NEK4: variants seen among roughly 807,000 people sequenced by gnomAD.
NEK4 encodes the protein NIMA related kinase 4, also known as serine/threonine-protein kinase Nek4.
In NEK4, 86 loss-of-function variants were observed where a neutral mutation model predicts 98.4. The ratio of observed to expected loss-of-function variants is 0.87; its 90% CI spans 0.73 to 1.05. The LOEUF (loss-of-function observed/expected upper bound fraction) is 1.05. NEK4 is among the 50% of genes least tolerant of loss of function. The probability of loss-of-function intolerance (pLI) is 0.00; values close to 1 mark genes in which losing one functional copy is unlikely to be tolerated. For missense variants in NEK4, 898 were observed against 950.3 expected, an observed-to-expected ratio of 0.94 and a Z score of 0.72; for synonymous variants, 328 against 342.2, an observed-to-expected ratio of 0.96 and a Z score of 0.46.
At chr3:52,748,213 C>T (rs1034554691) in intron 8 of NEK4, among the ~76,000 whole-genome samples, 3 of 151,704 alleles carry the variant, frequency 2.0e-5, no homozygotes, top group Non-Finnish European at 4.4e-5. Flanking sequence ...ATGATCCGCC[C>T]GCCTCGGCCT....
intron 5 of NEK4, among the ~76,000 whole-genome samples, chr3:52,761,416 C>G (rs1180476352): frequency 6.6e-6 from 1 of 152,020 alleles, no homozygotes; most frequent in Admixed American, 6.6e-5. Context: ...GTAGCTGGGA[C>G]TACAGGTGCA....
intron 8 of NEK4, among the ~76,000 whole-genome samples, chr3:52,748,792 A>G (rs538706732): frequency 9.2e-5 from 14 of 152,336 alleles, no homozygotes; most frequent in African/African-American, 2.6e-4. Flanking sequence ...CATATTAATT[A>G]GATGCTCAGC....
At chr3:52,736,094 C>T (rs2097375451) in intron 15 of NEK4, among the ~76,000 whole-genome samples, 1 of 152,098 alleles carries the variant, frequency 6.6e-6, no homozygotes, top group African/African-American at 2.4e-5. Flanking sequence ...TTACTTGGTG[C>T]TAAATCAAAT....
rs549898773 is a variant in NEK4, at chr3:52,718,724, CT to C, written c.2434-6856del. On this transcript the variant is annotated intron_variant, in intron 15 of 15. Transcript: ENST00000233027. ...GCACGCAGACCCCTACAACTGCTCG[CT>C]TCCCCGCAACCCGCCATGTCCCATT... Among the ~76,000 whole-genome samples the C allele has an allele frequency of 1.2e-3, 176 of 152,292 alleles. 1 individual carries two copies. The highest frequency in any genetic ancestry group is 0.011 in the Admixed American group (168 of 15,288).
intron 6 of NEK4, among the ~76,000 whole-genome samples, chr3:52,756,401 T>C (rs2097415205): frequency 6.6e-6 from 1 of 152,106 alleles, no homozygotes; most frequent in Non-Finnish European, 1.5e-5. Flanking sequence ...AAACAGACAT[T>C]AGACATAGAA....
At chr3:52,737,780 A>C in intron 14 of NEK4, 61 bp from the exon 15 acceptor site, 1 of 1,230,274 alleles carries the variant, frequency 8.1e-7, no homozygotes, top group Non-Finnish European at 1.1e-6. Flanking sequence ...TAGCAAGAAC[A>C]CTGCAATTTT....
chr3:52,768,596 G>T lies in NEK4; in HGVS notation c.102C>A (p.Ile34=). ...KHRRDGKQYV[I]KKLNLRNASS... is the part of the protein sequence containing the mutation. ...AGGCATTTCGGAGGTTCAGTTTTTT[G>T]ATGACATACTAAAAACAAACCATGT... The change falls in exon 2 of 16, where the codon ATC becomes ATA. Residue 34 remains isoleucine, a synonymous_variant. Coordinates refer to ENST00000233027, the MANE Select transcript of NEK4 (RefSeq NM_003157.6). The T allele has an allele frequency of 1.9e-6, 3 of 1,613,762 alleles. No individual in the cohort carries two copies. Among genetic ancestry groups the T allele is most frequent in the Non-Finnish European group, 1.7e-6 (2 of 1,179,790 alleles).
chr3:52,736,177 A>C (rs986081468), intron 15 of NEK4, among the ~76,000 whole-genome samples: 2 of 152,212 alleles, frequency 1.3e-5, no homozygotes, highest in Non-Finnish European at 2.9e-5. Flanking sequence ...GGTACTTAAA[A>C]TACAAGTGCC....
intron 2 of NEK4, among the ~76,000 whole-genome samples, chr3:52,767,510 G>A (rs1029955002): frequency 1.3e-5 from 2 of 151,028 alleles, no homozygotes; most frequent in South Asian, 2.1e-4. Flanking sequence ...TCAAGAGTTC[G>A]AGACCAGCCT....
Position 52,766,268 on chromosome 3 carries a change from T to C in NEK4, c.468A>G (p.Leu156=), listed in dbSNP as rs2230535. ...TGCTAGCCATGTCACAGTGGTTCTC[T>C]AACACTCGGGCAATTCCTAGGTCCC... ...KVGDLGIARV[L]ENHCDMASTL... The change falls in exon 3 of 16, where the codon TTA becomes TTG. Residue 156 remains leucine, a synonymous_variant. Transcript: ENST00000233027. 621,360 of 1,613,430 alleles carry C rather than the reference T, an allele frequency of 0.39. 123,182 individuals are homozygous for C. The highest frequency in any genetic ancestry group is 0.51 in the Admixed American group (30,420 of 59,988).
intron 15 of NEK4, among the ~76,000 whole-genome samples, chr3:52,721,570 A>G (rs57946083): frequency 0.095 from 14,452 of 151,868 alleles, 1,713 homozygotes; most frequent in African/African-American, 0.28. Context: ...TCTACCAAAA[A>G]AAAAAATTTT....
At chr3:52,724,262 C>A (rs1053972208) in intron 15 of NEK4, among the ~76,000 whole-genome samples, 5 of 150,818 alleles carry the variant, frequency 3.3e-5, no homozygotes, top group Non-Finnish European at 5.9e-5. Flanking sequence ...CACACACACA[C>A]AAAACTGTCA....
chr3:52,768,451 T>C lies in NEK4; in HGVS notation c.247A>G (p.Met83Val), dbSNP rs1559453657. 4.3e-6 allele frequency: 7 copies of C among 1,614,216 alleles called. No homozygotes were observed. Among genetic ancestry groups the C allele is most frequent in the Non-Finnish European group, 5.9e-6 (7 of 1,180,036 alleles). The change falls in exon 2 of 16, where the codon ATG becomes GTG. Residue 83 changes from methionine (M) to valine (V), a missense_variant. Met to Val is a conservative substitution (Grantham distance 21). Coordinates refer to ENST00000233027, the MANE Select transcript of NEK4 (RefSeq NM_003157.6). The part of the protein sequence containing the change: ...EGGDGLLYIV[M>V]GFCEGGDLYR... ...AAATCACCTCCTTCACAGAAGCCCATGACAATGTAGAGCAGACCATCTCCT... is the reference window on the plus strand; with the variant it reads ...AAATCACCTCCTTCACAGAAGCCCACGACAATGTAGAGCAGACCATCTCCT...
rs761072563 is a variant in NEK4, at chr3:52,751,925, C to A, written c.1368+7G>T. 4 of 1,610,394 alleles carry A rather than the reference C, an allele frequency of 2.5e-6. No homozygotes were observed. The highest frequency in any genetic ancestry group is 2.2e-5 in the East Asian group (1 of 44,850). Reference sequence around the variant, plus strand: ...AAACCAGTATCTCATGTGTGCATATCACTCACCTGGTCCTTTGGCTTTTGT... The same window carrying A: ...AAACCAGTATCTCATGTGTGCATATAACTCACCTGGTCCTTTGGCTTTTGT... On this transcript the variant is annotated splice_region_variant and intron_variant, in intron 7 of 15. Transcript: ENST00000233027.
At position 52,721,610 on chromosome 3, in the gene NEK4, C is replaced by T. The variant is rs541812189; in HGVS notation, c.2434-9741G>A. Among the ~76,000 whole-genome samples the T allele has an allele frequency of 2.6e-5, 4 of 152,002 alleles. No homozygotes were observed. The South Asian group carries it at 8.3e-4, about 32-fold the overall frequency. ...AATTAGCTAAGTGTGGTGGGGCACG[C>T]CTATTGTCCAAGCTACTAAGGAGGC... On this transcript the variant is annotated intron_variant, in intron 15 of 15. Coordinates refer to ENST00000233027, the MANE Select transcript of NEK4 (RefSeq NM_003157.6).
intron 6 of NEK4, among the ~76,000 whole-genome samples, chr3:52,758,256 A>C (rs930902391): frequency 4.6e-5 from 7 of 151,422 alleles, no homozygotes; most frequent in Admixed American, 4.6e-4. Context: ...GGTAGTAGGG[A>C]ATGGGGAGAT....
chr3:52,756,442 TAA>T (rs2097415269), intron 6 of NEK4, among the ~76,000 whole-genome samples: 2 of 152,170 alleles, frequency 1.3e-5, no homozygotes, highest in Admixed American at 1.3e-4. Context: ...AACCCAGAAA[TAA>T]ACTTTCACAT....
At chr3:52,755,249 C>A (rs1383302217) in intron 6 of NEK4, among the ~76,000 whole-genome samples, 9 of 151,700 alleles carry the variant, frequency 5.9e-5, no homozygotes, top group Non-Finnish European at 2.9e-5. Flanking sequence ...CTTACCAGGG[C>A]CTGACGATAC....
intron 14 of NEK4, 26 bp downstream of exon 14, chr3:52,739,403 A>C: frequency 6.2e-7 from 1 of 1,606,116 alleles, no homozygotes; most frequent in South Asian, 1.1e-5. Context: ...CGTCTAAAAA[A>C]CAAAAAATAA....
Sources: gnomAD v4.1 joint callset for allele counts (sites outside exome capture counted in the v4.1 genomes callset) on GRCh38, gnomAD v4.1.1 for gene constraint, MANE v1.5 for transcripts, NCBI Gene and HGNC (gene_info 2026-07-23, HGNC 2026-07-21) for gene names.